The following SCN2A variants were observed in gnomAD, a reference collection of about 807,000 sequenced individuals.
SCN2A encodes the protein sodium voltage-gated channel alpha subunit 2.
In SCN2A, 20 loss-of-function variants were observed where a neutral mutation model predicts 188.7. That is an observed-to-expected ratio of 0.11 (90% CI 0.07 to 0.15). The LOEUF is 0.15. Among genes scored for constraint, SCN2A ranks in the 10% least tolerant of loss-of-function variants. The pLI is 1.00. For synonymous variants in SCN2A, 804 were observed against 833.1 expected (o/e 0.97, Z 0.60); for missense variants, 1,278 against 2,445.0 (o/e 0.52, Z 10.07).
intron 1 of SCN2A, among the ~76,000 whole-genome samples, chr2:165,243,378 G>A (rs952592831): frequency 3.9e-5 from 6 of 151,988 alleles, no homozygotes; most frequent in South Asian, 2.1e-4. Context: ...CGAGGTGGGC[G>A]GATTGCCTGA....
chr2:165,315,418 A>G, intron 10 of SCN2A, 53 bp from the exon 11 acceptor site: 2 of 1,610,206 alleles, frequency 1.2e-6, no homozygotes, highest in Middle Eastern at 1.7e-4. Context: ...CAGTAACATG[A>G]TAATTACTTT....
At chr2:165,309,289 C>G (rs774572427) in intron 5 of SCN2A, 63 bp from the exon 6 acceptor site, 1 of 1,613,326 alleles carries the variant, frequency 6.2e-7, no homozygotes, top group Non-Finnish European at 8.5e-7. Context: ...TGGTAGGCCC[C>G]TTATATCTCC....
intron 8 of SCN2A, among the ~76,000 whole-genome samples, chr2:165,312,493 C>T (rs2105252490): frequency 1.3e-5 from 2 of 152,160 alleles, no homozygotes; most frequent in Middle Eastern, 6.8e-3. Flanking sequence ...GAGTATTTAG[C>T]ATATTTTAGC....
chr2:165,319,022 G>A (rs1697922376), intron 11 of SCN2A, among the ~76,000 whole-genome samples: 1 of 152,196 alleles, frequency 6.6e-6, no homozygotes, highest in Non-Finnish European at 1.5e-5. Context: ...GACTTCTGTT[G>A]TGGGAGCAGT....
intron 2 of SCN2A, 183 bp from the exon 3 acceptor site, chr2:165,296,834 A>G: frequency 2.4e-6 from 1 of 417,304 alleles, no homozygotes; most frequent in Non-Finnish European, 4.3e-6. Flanking sequence ...CATTTATCAA[A>G]TTTAGGAAAG....
intron 16 of SCN2A, among the ~76,000 whole-genome samples, chr2:165,349,498 T>C (rs1375360819): frequency 6.6e-6 from 1 of 152,134 alleles, no homozygotes; most frequent in Admixed American, 6.6e-5. Context: ...AACATATCTC[T>C]CTAATGTATA....
chr2:165,382,633 A>G (rs1333871468), intron 25 of SCN2A, among the ~76,000 whole-genome samples: 1 of 152,140 alleles, frequency 6.6e-6, no homozygotes, highest in Non-Finnish European at 1.5e-5. Flanking sequence ...AAACACAGGA[A>G]AAGAGGGAGG....
intron 1 of SCN2A, chr2:165,269,982 A>G (rs183189710): frequency 3.9e-4 from 60 of 152,056 alleles, no homozygotes; most frequent in African/African-American, 1.4e-3. Context: ...CATCTTGCAC[A>G]GGGCTTTATG....
intron 1 of SCN2A, among the ~76,000 whole-genome samples, chr2:165,255,611 T>A (rs1410628131): frequency 1.3e-5 from 2 of 152,126 alleles, no homozygotes; most frequent in African/African-American, 2.4e-5. Context: ...CCCCATATCC[T>A]AACTAAGGAT....
In SCN2A at chr2:165,344,475, TAA is replaced by T. The variant is rs1338850379; in HGVS notation, c.2563-74_2563-73del. On this transcript the variant is annotated intron_variant, in intron 15 of 26. Transcript: ENST00000375437. ...AATAAAATAAAATAAAAATAAAAAATAAAAAAATAAAAATAAAATAAAATTGC... is the reference window on the plus strand; with the variant it reads ...AATAAAATAAAATAAAAATAAAAAATAAAAATAAAAATAAAATAAAATTGC... 3.4e-6 allele frequency: 3 copies of T among 884,786 alleles called. No homozygotes were observed. In the African/African-American group the frequency reaches 5.3e-5, roughly 16 times the overall value. The allele number at this position is 884,786 out of a possible 1,614,324, so 54.8% of individuals were successfully genotyped here.
chr2:165,389,023 A>C lies in SCN2A; in HGVS notation c.5217A>C (p.Gly1739=), dbSNP rs2227899. 10 of 1,614,092 alleles carry C rather than the reference A, an allele frequency of 6.2e-6. No individual in the cohort carries two copies. In the African/African-American group the frequency reaches 1.2e-4, roughly 19 times the overall value. The change falls in exon 27 of 27, where the codon GGA becomes GGC. Residue 1739 remains glycine (G), a synonymous_variant. Transcript: ENST00000375437. The surrounding 1 kb of genome is among the most constrained non-coding windows in gnomAD (Gnocchi z 4.2). ...GTGACCCTGACAAAGATCACCCTGGAAGCTCAGTTAAAGGAGACTGTGGGA... is the reference window on the plus strand; with the variant it reads ...GTGACCCTGACAAAGATCACCCTGGCAGCTCAGTTAAAGGAGACTGTGGGA... ...PDCDPDKDHP[G]SSVKGDCGNP... is the part of the protein sequence containing the mutation.
intron 1 of SCN2A, among the ~76,000 whole-genome samples, chr2:165,245,146 C>A (rs1198795571): frequency 6.6e-6 from 1 of 152,130 alleles, no homozygotes; most frequent in Non-Finnish European, 1.5e-5. Context: ...TATTTTCCTT[C>A]TTTTCTGTGT....
intron 14 of SCN2A, among the ~76,000 whole-genome samples, chr2:165,338,572 C>T (rs1699140817): frequency 1.3e-5 from 2 of 151,986 alleles, no homozygotes; most frequent in South Asian, 4.1e-4. Context: ...AACATTTTAT[C>T]TAAAGTGTTA....
In SCN2A at chr2:165,315,591, A is replaced by G. The variant is rs1418215188; in HGVS notation, c.1504A>G (p.Lys502Glu). 8.7e-6 allele frequency: 14 copies of G among 1,613,972 alleles called. No homozygotes were observed. Among genetic ancestry groups the G allele is most frequent in the Admixed American group, 1.7e-5 (1 of 59,982 alleles). ...KLSSKSEKEL[K>E]NRRKKKKQKE... ...GAGCTCCAAAAGTGAAAAAGAGCTG[A>G]AAAACAGAAGAAAGAAAAAGAAACA... The change falls in exon 11 of 27, where the codon AAA (lysine) becomes GAA (glutamate). Residue 502 changes from lysine (K) to glutamate (E), a missense_variant. This residue lies in a region of SCN2A where 315 missense variants were observed against 386.6 expected (regional missense o/e 0.81). Coordinates refer to ENST00000375437, the MANE Select transcript of SCN2A (RefSeq NM_001040142.2).
chr2:165,346,059 G>A (rs112709100), intron 16 of SCN2A, among the ~76,000 whole-genome samples: 8,004 of 152,102 alleles, frequency 0.053, 594 homozygotes, highest in African/African-American at 0.17. Flanking sequence ...TGGCTTGTAG[G>A]GTTTCTGCCG....
At chr2:165,292,517 C>T (rs183922436) in intron 1 of SCN2A, among the ~76,000 whole-genome samples, 208 of 152,126 alleles carry the variant, frequency 1.4e-3, no homozygotes, top group African/African-American at 4.9e-3. Context: ...GTCTCTTGTT[C>T]CCATGTTTAT....
intron 1 of SCN2A, among the ~76,000 whole-genome samples, chr2:165,279,040 C>A (rs191471520): frequency 6.6e-6 from 1 of 152,108 alleles, no homozygotes; most frequent in African/African-American, 2.4e-5. Flanking sequence ...TCTTTACATG[C>A]CAGGAAGAGG....
intron 1 of SCN2A, among the ~76,000 whole-genome samples, chr2:165,261,171 A>T (rs1383807196): frequency 1.3e-5 from 2 of 152,192 alleles, no homozygotes; most frequent in African/African-American, 4.8e-5. Flanking sequence ...TGCAATTTTT[A>T]AAAAATATTT....
intron 1 of SCN2A, chr2:165,240,987 G>A (rs1693595065): frequency 6.6e-6 from 1 of 152,076 alleles, no homozygotes; most frequent in Non-Finnish European, 1.5e-5. Context: ...GAGATAAGGT[G>A]GATTTCCCAG....
Sources: allele counts gnomAD v4.1 joint callset (sites outside exome capture counted in the v4.1 genomes callset), GRCh38; gene constraint gnomAD v4.1.1; regional missense constraint gnomAD v4.1.1; non-coding constraint Gnocchi (gnomAD v3.1); transcripts MANE v1.5; gene names NCBI Gene and HGNC (gene_info 2026-07-23, HGNC 2026-07-21).